Variants in KHDRBS2 observed in about 807,000 individuals in gnomAD.
KHDRBS2 encodes the protein KH domain-containing, RNA-binding, signal transduction-associated protein 2.
Under a neutral mutation model 44.3 loss-of-function variants are expected in KHDRBS2, and 26 were observed. That is an observed-to-expected ratio of 0.59 (90% CI 0.43 to 0.81). KHDRBS2 has a LOEUF of 0.81. Ranked by LOEUF, KHDRBS2 falls within the 40% of genes least tolerant of loss-of-function variation. The pLI, the probability that KHDRBS2 is intolerant of heterozygous loss-of-function variation, is 0.00. For missense variants in KHDRBS2, 476 were observed against 433.1 expected (o/e 1.10, Z -0.88); for synonymous variants, 194 against 151.1 (o/e 1.28, Z -2.08).
rs1203213454 is a variant in KHDRBS2 at position 61,681,838 on chromosome 6, A to G, written c.953-778T>C. ...TACTGTGGAAAATAGCTATTGTAAA[A>G]TCTGTGTCCCCAGAAAAGAAATGCA... On this transcript the variant is annotated intron_variant, in intron 8 of 8. Coordinates refer to ENST00000281156, the MANE Select transcript of KHDRBS2 (RefSeq NM_152688.4). 7.9e-5 allele frequency among the ~76,000 whole-genome samples: 12 copies of G among 151,900 alleles called. 1 individual carries two copies. In the South Asian group the frequency reaches 1.2e-3, roughly 16 times the overall value.
At chr6:61,965,958 C>G (rs1433339779) in intron 4 of KHDRBS2, among the ~76,000 whole-genome samples, 2 of 151,932 alleles carry the variant, frequency 1.3e-5, no homozygotes, top group Non-Finnish European at 2.9e-5. Context: ...GATTTTACTA[C>G]TTAGATAAGA....
At chr6:61,687,472 T>C (rs569742833) in intron 8 of KHDRBS2, among the ~76,000 whole-genome samples, 2 of 151,908 alleles carry the variant, frequency 1.3e-5, no homozygotes, top group African/African-American at 4.8e-5. Flanking sequence ...TATTTAAATA[T>C]TTTGCATCTT....
At chr6:62,048,874 G>A (rs1352812943) in intron 2 of KHDRBS2, among the ~76,000 whole-genome samples, 5 of 151,844 alleles carry the variant, frequency 3.3e-5, no homozygotes, top group Non-Finnish European at 1.5e-5. Context: ...ACTATCTTGG[G>A]AACATAAAGA....
At chr6:61,954,637 C>T (rs1402627026) in intron 4 of KHDRBS2, among the ~76,000 whole-genome samples, 5 of 122,840 alleles carry the variant, frequency 4.1e-5, no homozygotes, top group African/African-American at 1.7e-4. Context: ...TATATATACA[C>T]ATACATACTT....
chr6:61,582,446 A>G, the KHDRBS2 span, among the ~76,000 whole-genome samples: 8 of 151,900 alleles, frequency 5.3e-5, no homozygotes, highest in Admixed American at 3.9e-4. Context: ...TAATGCCAGA[A>G]TAGACTATTA....
At chr6:61,644,398 A>G in the KHDRBS2 span, among the ~76,000 whole-genome samples, 1 of 152,196 alleles carries the variant, frequency 6.6e-6, no homozygotes. Flanking sequence ...AGAAATTGGC[A>G]AACATTTCAT....
intron 6 of KHDRBS2, among the ~76,000 whole-genome samples, chr6:61,875,080 G>A (rs1337686686): frequency 6.6e-6 from 1 of 152,058 alleles, no homozygotes; most frequent in African/African-American, 2.4e-5. Flanking sequence ...TTTTTAAGGT[G>A]TTAGCTAAGG....
intron 2 of KHDRBS2, among the ~76,000 whole-genome samples, chr6:62,158,283 C>T (rs1166389797): frequency 6.6e-6 from 1 of 152,172 alleles, no homozygotes; most frequent in East Asian, 1.9e-4. Context: ...CTAATATTTA[C>T]TTGATGATTA....
intron 2 of KHDRBS2, among the ~76,000 whole-genome samples, chr6:62,161,921 C>T (rs547548148): frequency 1.3e-5 from 2 of 152,092 alleles, no homozygotes; most frequent in South Asian, 2.1e-4. Context: ...CAGCTTTATA[C>T]CTGTTTCCAT....
the KHDRBS2 span, among the ~76,000 whole-genome samples, chr6:61,664,002 T>G: frequency 3.8e-4 from 57 of 151,910 alleles, no homozygotes; most frequent in Non-Finnish European, 6.6e-4. Context: ...TGCCTTGTAA[T>G]TGAAAATCAA....
At chr6:61,869,079 A>AG (rs1220380398) in intron 6 of KHDRBS2, among the ~76,000 whole-genome samples, 1 of 151,956 alleles carries the variant, frequency 6.6e-6, no homozygotes, top group African/African-American at 2.4e-5. Flanking sequence ...TTGGCTGGGG[A>AG]GGGGGGTTCC....
At chr6:61,779,945 C>T (rs1312467712) in intron 6 of KHDRBS2, among the ~76,000 whole-genome samples, 2 of 150,016 alleles carry the variant, frequency 1.3e-5, no homozygotes, top group African/African-American at 2.4e-5. Context: ...AAAAAAAAAA[C>T]TTACTATATT....
At chr6:62,162,149 A>C (rs1034735880) in intron 2 of KHDRBS2, among the ~76,000 whole-genome samples, 2 of 152,136 alleles carry the variant, frequency 1.3e-5, no homozygotes, top group Admixed American at 6.6e-5. Flanking sequence ...AGCTTTTATA[A>C]TTGCTCTTTA....
At chr6:61,567,243 C>T in the KHDRBS2 span, among the ~76,000 whole-genome samples, 1 of 152,112 alleles carries the variant, frequency 6.6e-6, no homozygotes, top group Non-Finnish European at 1.5e-5. Flanking sequence ...GAATTTACAG[C>T]TGCAAGTTTT....
At chr6:61,849,934 G>T (rs552481015) in intron 6 of KHDRBS2, among the ~76,000 whole-genome samples, 1 of 152,084 alleles carries the variant, frequency 6.6e-6, no homozygotes, top group African/African-American at 2.4e-5. Flanking sequence ...TAATTTACTA[G>T]CATCTCAATT....
downstream of KHDRBS2, among the ~76,000 whole-genome samples, chr6:61,677,928 T>C (rs1766035574): frequency 6.6e-6 from 1 of 151,900 alleles, no homozygotes; most frequent in Non-Finnish European, 1.5e-5. Context: ...TCTCTGTCAC[T>C]GCCCCCTTTT....
chr6:62,227,117 T>G (rs1459113800), intron 1 of KHDRBS2, among the ~76,000 whole-genome samples: 1 of 152,206 alleles, frequency 6.6e-6, no homozygotes, highest in Non-Finnish European at 1.5e-5. Context: ...TTGTGTAGTA[T>G]AGCCATTTTC....
At chr6:61,972,407 A>G (rs1043320628) in intron 4 of KHDRBS2, among the ~76,000 whole-genome samples, 2 of 152,242 alleles carry the variant, frequency 1.3e-5, no homozygotes, top group Non-Finnish European at 2.9e-5. Context: ...GACTATTATC[A>G]TAGTGCTATA....
At chr6:61,830,955 A>T (rs558151866) in intron 6 of KHDRBS2, among the ~76,000 whole-genome samples, 1 of 152,298 alleles carries the variant, frequency 6.6e-6, no homozygotes, top group African/African-American at 2.4e-5. Context: ...TCCTAAATAA[A>T]TTTTTGTTCT....
Sources: allele counts gnomAD v4.1 joint callset (sites outside exome capture counted in the v4.1 genomes callset), GRCh38; gene constraint gnomAD v4.1.1; transcripts MANE v1.5; gene names NCBI Gene and HGNC (gene_info 2026-07-23, HGNC 2026-07-21).